BTBD7: variants seen among roughly 807,000 people sequenced by gnomAD.
The protein encoded by BTBD7 is BTB domain containing 7.
In BTBD7, 38 loss-of-function variants were observed where a neutral mutation model predicts 99.9. That is an observed-to-expected ratio of 0.38 (90% CI 0.29 to 0.50). The LOEUF is 0.50. BTBD7 is among the 20% of genes least tolerant of loss of function. The pLI is 0.93. For missense variants in BTBD7, 1,170 were observed against 1,394.6 expected (o/e 0.84, Z 2.57); for synonymous variants, 520 against 511.4 (o/e 1.02, Z -0.23).
At chr14:93,290,987 G>GTTTTTTT (rs34246296) in intron 3 of BTBD7, among the ~76,000 whole-genome samples, 4 of 76,772 alleles carry the variant, frequency 5.2e-5, no homozygotes, top group East Asian at 4.4e-4. Context: ...GCTAGGCCTA[G>GTTTTTTT]TTTTTTTTTT....
chr14:93,251,617 A>G lies in BTBD7; in HGVS notation c.1788T>C (p.Asp596=). 6.2e-7 allele frequency: 1 copy of G among 1,613,242 alleles called. No homozygotes were observed. Among genetic ancestry groups the G allele is most frequent in the African/African-American group, 1.3e-5 (1 of 75,038 alleles). The stretch of plus-strand genomic sequence containing the variant: ...TTCTAACCATTCGCAAGCGCACAAG[A>G]TCCGTTTGTTCCACCATCATCTCAT... ...VLDEMMVEQT[D]LVRLRMVRMS... is the part of the protein sequence containing the mutation. Residue 596 remains aspartate, a synonymous_variant, in exon 8 of 11, where the codon GAT becomes GAC. Transcript: ENST00000334746.
intron 5 of BTBD7, among the ~76,000 whole-genome samples, chr14:93,260,228 C>T (rs1231917272): frequency 6.6e-6 from 1 of 152,154 alleles, no homozygotes; most frequent in Non-Finnish European, 1.5e-5. Context: ...CTGACTTGAA[C>T]ACTTCAAACC....
chr14:93,259,805 G>A (rs930796304), intron 5 of BTBD7, among the ~76,000 whole-genome samples: 8 of 152,066 alleles, frequency 5.3e-5, no homozygotes, highest in African/African-American at 1.4e-4. Flanking sequence ...GTGGTGGCAC[G>A]TGCCTGTAAT....
chr14:93,288,796 G>A (rs1200221098), intron 3 of BTBD7: 5 of 1,544,946 alleles, frequency 3.2e-6, no homozygotes, highest in South Asian at 2.5e-5. Flanking sequence ...ATCAGTATCT[G>A]TAAGTGTATA....
chr14:93,302,412 T>C (rs951087593), intron 1 of BTBD7, among the ~76,000 whole-genome samples: 5 of 151,996 alleles, frequency 3.3e-5, no homozygotes, highest in Admixed American at 6.6e-5. Context: ...CCAAGAAGCT[T>C]GAGAGTGAAA....
At chr14:93,324,380 T>C (rs1319786768) in intron 1 of BTBD7, among the ~76,000 whole-genome samples, 1 of 149,448 alleles carries the variant, frequency 6.7e-6, no homozygotes, top group Non-Finnish European at 1.5e-5. Flanking sequence ...TGTGATTGTA[T>C]CACTGCACTC....
At chr14:93,269,521 T>TA (rs1162836551) in intron 3 of BTBD7, among the ~76,000 whole-genome samples, 1 of 152,178 alleles carries the variant, frequency 6.6e-6, no homozygotes, top group East Asian at 1.9e-4. Flanking sequence ...TCAGAATGCT[T>TA]ACTCATGGGC....
intron 3 of BTBD7, among the ~76,000 whole-genome samples, chr14:93,276,995 G>A (rs774911681): frequency 1.4e-5 from 2 of 145,728 alleles, no homozygotes; most frequent in Non-Finnish European, 3.0e-5. Flanking sequence ...TCTGCCTCCC[G>A]GGTTCAAGCA....
In BTBD7 at chr14:93,291,296, A is replaced by C. The variant is rs549414636; in HGVS notation, c.1162+2562T>G. 1.2e-4 allele frequency among the ~76,000 whole-genome samples: 18 copies of C among 152,220 alleles called. No individual in the cohort carries two copies. The East Asian group carries it at 3.5e-3, about 29-fold the overall frequency. ...TCATTTAACATATATTATTTCCTTT[A>C]ATCATCATAGCTTATAGGGTTTACT... On this transcript the variant is annotated intron_variant, in intron 3 of 10. Coordinates refer to ENST00000334746, the MANE Select transcript of BTBD7 (RefSeq NM_001002860.4).
rs537476748 is a variant in BTBD7, at chr14:93,317,061, A to G, written c.-107+15759T>C. ...CAGAAACCTTCATAAGAAAGAGTGC[A>G]GTGGTACGATCTCAGCTCATTGCAA... On this transcript the variant is annotated intron_variant, in intron 1 of 10. Coordinates refer to ENST00000334746, the MANE Select transcript of BTBD7 (RefSeq NM_001002860.4). 9.8e-5 allele frequency among the ~76,000 whole-genome samples: 15 copies of G among 152,354 alleles called. No homozygotes were observed. The South Asian group carries it at 3.1e-3, about 32-fold the overall frequency.
intron 1 of BTBD7, among the ~76,000 whole-genome samples, chr14:93,332,504 GGC>G (rs1006329158): frequency 2.0e-5 from 3 of 152,014 alleles, no homozygotes; most frequent in Admixed American, 2.0e-4. Context: ...AAGCCGGCCG[GGC>G]TGCCGTCGCG....
intron 3 of BTBD7, among the ~76,000 whole-genome samples, chr14:93,269,273 AATG>A (rs1274510701): frequency 6.6e-6 from 1 of 152,228 alleles, no homozygotes; most frequent in African/African-American, 2.4e-5. Flanking sequence ...GATTTCAATT[AATG>A]ATAATACAAC....
chr14:93,302,731 G>A lies in BTBD7; in HGVS notation c.-106-6574C>T, dbSNP rs556286644. Among the ~76,000 whole-genome samples, 4 of 152,278 alleles carry A rather than the reference G, an allele frequency of 2.6e-5. 1 individual carries two copies. The highest frequency in any genetic ancestry group is 9.6e-5 in the African/African-American group (4 of 41,564). On this transcript the variant is annotated intron_variant, in intron 1 of 10. Transcript: ENST00000334746. ...GTGGTGGCATGTGACTGTAGTCCCA[G>A]CTACTCAGGAGGCTGAGACAGAAGA...
At chr14:93,300,788 T>G (rs1468277561) in intron 1 of BTBD7, among the ~76,000 whole-genome samples, 9 of 125,782 alleles carry the variant, frequency 7.2e-5, no homozygotes, top group Admixed American at 4.0e-4. Flanking sequence ...ATATATATAT[T>G]TTTTTTTTGT....
At chr14:93,303,842 C>G (rs1015103876) in intron 1 of BTBD7, among the ~76,000 whole-genome samples, 3 of 152,356 alleles carry the variant, frequency 2.0e-5, no homozygotes, top group Admixed American at 1.3e-4. Flanking sequence ...TCCCCACCCC[C>G]CACCAGAGGA....
intron 1 of BTBD7, 132 bp downstream of exon 1, chr14:93,332,688 C>G: frequency 2.3e-6 from 3 of 1,280,984 alleles, no homozygotes; most frequent in Middle Eastern, 2.3e-4. Context: ...CGCCCCAGCG[C>G]CTCCCGCGGC....
At chr14:93,247,328 TTTTGTTTGTTTG>T (rs34225714) in intron 9 of BTBD7, among the ~76,000 whole-genome samples, 58 of 149,296 alleles carry the variant, frequency 3.9e-4, no homozygotes, top group African/African-American at 1.3e-3. Context: ...GCCTATTCTT[TTTTGTTTGTTTG>T]TTTGTTTGTT....
At position 93,333,026 on chromosome 14, in the gene BTBD7, A is replaced by C; in HGVS notation, c.-313T>G. The C allele has an allele frequency of 2.0e-6, 1 of 511,974 alleles. No individual in the cohort carries two copies. Among genetic ancestry groups the C allele is most frequent in the Admixed American group, 4.4e-5 (1 of 22,890 alleles). 31.7% of individuals were successfully genotyped at this position (511,974 alleles called of 1,614,324 possible). A position where few individuals can be genotyped will look rare whatever the true frequency, so the allele number is the denominator to read the frequency against. Reference sequence around the variant, plus strand: ...TCCCCTCGCCGCCATTTTGACTCCTAGACGGAGCAGGAGGGGCTCGGTTCG... The same window carrying C: ...TCCCCTCGCCGCCATTTTGACTCCTCGACGGAGCAGGAGGGGCTCGGTTCG... On this transcript the variant is annotated 5_prime_UTR_variant, in exon 1 of 11. Transcript: ENST00000334746.
At chr14:93,310,936 T>C (rs1053285292) in intron 1 of BTBD7, among the ~76,000 whole-genome samples, 2 of 152,052 alleles carry the variant, frequency 1.3e-5, no homozygotes, top group African/African-American at 4.8e-5. Context: ...AACGATCACA[T>C]GATAGTCTAT....
Sources: gnomAD v4.1 joint callset for allele counts (sites outside exome capture counted in the v4.1 genomes callset) on GRCh38, gnomAD v4.1.1 for gene constraint, MANE v1.5 for transcripts, NCBI Gene and HGNC (gene_info 2026-07-23, HGNC 2026-07-21) for gene names.